Variants in ZCCHC7 observed in about 807,000 individuals in gnomAD.
The protein encoded by ZCCHC7 is zinc finger CCHC-type containing 7.
Under a neutral mutation model 52.0 loss-of-function variants are expected in ZCCHC7, and 35 were observed. That is an observed-to-expected ratio of 0.67 (90% CI 0.51 to 0.89). The LOEUF (loss-of-function observed/expected upper bound fraction) is 0.89, where lower values mean the gene tolerates loss of function less well. Ranked by LOEUF, ZCCHC7 falls within the 40% of genes least tolerant of loss-of-function variation. The pLI is 0.00. For synonymous variants in ZCCHC7, 217 were observed against 221.5 expected (o/e 0.98, Z 0.18); for missense variants, 574 against 649.1 (o/e 0.88, Z 1.26).
intron 5 of ZCCHC7, among the ~76,000 whole-genome samples, chr9:37,320,308 C>T (rs899984122): frequency 2.6e-5 from 4 of 152,148 alleles, no homozygotes; most frequent in Non-Finnish European, 5.9e-5. Flanking sequence ...GAACTCCTAA[C>T]CTCAGGTGAT....
chr9:37,339,964 TTAGAAA>T (rs1830843081), intron 6 of ZCCHC7, among the ~76,000 whole-genome samples: 2 of 152,060 alleles, frequency 1.3e-5, no homozygotes, highest in Admixed American at 6.6e-5. Flanking sequence ...AAAATTACTG[TTAGAAA>T]TAGGACACTG....
At chr9:37,356,696 T>C (rs1821722396) in intron 8 of ZCCHC7, 139 bp from the exon 9 acceptor site, 1 of 732,048 alleles carries the variant, frequency 1.4e-6, no homozygotes, top group Non-Finnish European at 2.1e-6. Flanking sequence ...TACAACTATT[T>C]AATTTTTAGT....
chr9:37,268,680 C>A (rs1457603032), intron 2 of ZCCHC7, among the ~76,000 whole-genome samples: 1 of 152,150 alleles, frequency 6.6e-6, no homozygotes, highest in Non-Finnish European at 1.5e-5. Context: ...CCCACCTCGG[C>A]CTCCCAAAGT....
intron 2 of ZCCHC7, among the ~76,000 whole-genome samples, chr9:37,138,047 T>G (rs1441564825): frequency 6.6e-6 from 1 of 152,226 alleles, no homozygotes; most frequent in African/African-American, 2.4e-5. Context: ...TCTGATGTTT[T>G]CAGCTTTTGT....
At chr9:37,346,022 G>C (rs960965362) in intron 6 of ZCCHC7, among the ~76,000 whole-genome samples, 1 of 151,984 alleles carries the variant, frequency 6.6e-6, no homozygotes, top group Non-Finnish European at 1.5e-5. Flanking sequence ...TGTTTTTTGC[G>C]ACAGAGTTTC....
chr9:37,151,065 C>T (rs1352711972), intron 2 of ZCCHC7, among the ~76,000 whole-genome samples: 2 of 149,460 alleles, frequency 1.3e-5, no homozygotes, highest in African/African-American at 2.5e-5. Context: ...CCCGGGTTTA[C>T]GCCATTCTCC....
chr9:37,165,318 G>GT (rs1005885910), intron 2 of ZCCHC7, among the ~76,000 whole-genome samples: 207 of 146,604 alleles, frequency 1.4e-3, no homozygotes, highest in African/African-American at 4.2e-3. Flanking sequence ...TGACTTTTTT[G>GT]TTTTTTTTTT....
In ZCCHC7 at chr9:37,200,983, G is replaced by C. The variant is rs1326612443; in HGVS notation, c.610+74041G>C. Among the ~76,000 whole-genome samples the C allele has an allele frequency of 2.0e-5, 3 of 152,364 alleles. No individual in the cohort carries two copies. In the South Asian group the frequency reaches 6.2e-4, roughly 32 times the overall value. ...ATTTTAATTTTGAGTGTGAGGGAAGGACAGTGGAGGGAGAGCACTAATGGG... is the reference window on the plus strand; with the variant it reads ...ATTTTAATTTTGAGTGTGAGGGAAGCACAGTGGAGGGAGAGCACTAATGGG... On this transcript the variant is annotated intron_variant, in intron 2 of 8. Transcript: ENST00000336755.
intron 2 of ZCCHC7, among the ~76,000 whole-genome samples, chr9:37,273,042 C>G (rs1827502961): frequency 6.6e-6 from 1 of 152,186 alleles, no homozygotes; most frequent in African/African-American, 2.4e-5. Flanking sequence ...CAAACTGGCC[C>G]ACAGGCCAAC....
chr9:37,331,382 C>G (rs1340721922), intron 6 of ZCCHC7, among the ~76,000 whole-genome samples: 1 of 151,484 alleles, frequency 6.6e-6, no homozygotes, highest in Admixed American at 6.6e-5. Flanking sequence ...CCTGGAAATA[C>G]CCATTTAGAA....
chr9:37,133,125 G>A (rs116034236), intron 2 of ZCCHC7, among the ~76,000 whole-genome samples: 6,511 of 152,150 alleles, frequency 0.043, 471 homozygotes, highest in African/African-American at 0.15. Flanking sequence ...CAGAGTGAGA[G>A]AGACTCTGTC....
chr9:37,336,934 C>G, intron 6 of ZCCHC7, among the ~76,000 whole-genome samples: 1 of 152,162 alleles, frequency 6.6e-6, no homozygotes, highest in African/African-American at 2.4e-5. Context: ...GTTTGGGGTC[C>G]AAACAGTGGT....
intron 2 of ZCCHC7, among the ~76,000 whole-genome samples, chr9:37,225,703 G>A (rs894912727): frequency 4.6e-5 from 7 of 152,148 alleles, no homozygotes; most frequent in African/African-American, 1.7e-4. Context: ...CTCAATAGAT[G>A]CAGATAAAGC....
Position 37,164,498 on chromosome 9 carries a change from T to TAGATAGATAGATAGATAGACAGAC in ZCCHC7, c.610+37559_610+37560insTAGATAGATAGATAGACAGACAGA, listed in dbSNP as rs755789110. Among the ~76,000 whole-genome samples, 11 of 135,000 alleles carry TAGATAGATAGATAGATAGACAGAC rather than the reference T, an allele frequency of 8.1e-5. No homozygotes were observed. In the East Asian group the frequency reaches 8.5e-4, roughly 10 times the overall value. The allele number at this position is 135,000 out of a possible 152,430, so 88.6% of individuals were successfully genotyped here. On this transcript the variant is annotated intron_variant, in intron 2 of 8. Transcript: ENST00000336755. ...ATAGATAGATAGATAGATAGATAGA[T>TAGATAGATAGATAGATAGACAGAC]AGACAGACAAGATAGATAGACTCTG... is the stretch of plus-strand genomic sequence containing the variant.
chr9:37,355,037 T>A (rs895248452), intron 8 of ZCCHC7, among the ~76,000 whole-genome samples: 2 of 152,252 alleles, frequency 1.3e-5, no homozygotes, highest in African/African-American at 4.8e-5. Flanking sequence ...AACATTTTTT[T>A]ACAGTGATCA....
At chr9:37,309,888 C>A (rs1829511729) in intron 5 of ZCCHC7, among the ~76,000 whole-genome samples, 1 of 150,482 alleles carries the variant, frequency 6.6e-6, no homozygotes, top group Non-Finnish European at 1.5e-5. Flanking sequence ...CACCACTGAA[C>A]TCCAGCCTGG....
At chr9:37,356,191 C>A (rs996372531) in intron 8 of ZCCHC7, among the ~76,000 whole-genome samples, 6 of 152,180 alleles carry the variant, frequency 3.9e-5, no homozygotes, top group African/African-American at 1.4e-4. Context: ...TTTCATCTCT[C>A]ACTGTAACCT....
chr9:37,334,497 G>C (rs796303411), intron 6 of ZCCHC7, among the ~76,000 whole-genome samples: 2 of 152,074 alleles, frequency 1.3e-5, no homozygotes, highest in African/African-American at 2.4e-5. Flanking sequence ...CTCTGAACTA[G>C]TGTTATATTT....
chr9:37,348,347 G>GTTCGTTCT (rs370166957), intron 6 of ZCCHC7, among the ~76,000 whole-genome samples: 82 of 135,590 alleles, frequency 6.0e-4, no homozygotes, highest in African/African-American at 1.9e-3. Flanking sequence ...ATACCAGTTC[G>GTTCGTTCT]TTCTTTCTTT....
Sources: allele counts gnomAD v4.1 joint callset (sites outside exome capture counted in the v4.1 genomes callset), GRCh38; gene constraint gnomAD v4.1.1; transcripts MANE v1.5; gene names NCBI Gene and HGNC (gene_info 2026-07-23, HGNC 2026-07-21).